Variants in NXPE2 observed in about 807,000 individuals in gnomAD.
NXPE2 encodes NXPE family member 2.
A neutral mutation model predicts 34.4 loss-of-function variants in NXPE2; 34 were observed. The observed-to-expected ratio is 0.99, with a 90% confidence interval of 0.75 to 1.31. The LOEUF (loss-of-function observed/expected upper bound fraction) is 1.31, where lower values mean the gene tolerates loss of function less well. NXPE2 is among the 40% of genes most tolerant of loss of function. NXPE2 has a pLI of 0.00. For synonymous variants in NXPE2, 235 were observed against 231.3 expected (o/e 1.02, Z -0.15); for missense variants, 649 against 672.5 (o/e 0.97, Z 0.39).
chr11:114,544,061 A>G, the NXPE2 span, among the ~76,000 whole-genome samples: 1 of 152,216 alleles, frequency 6.6e-6, no homozygotes, highest in Non-Finnish European at 1.5e-5. Flanking sequence ...AAGCTGTGAA[A>G]CATTAATGGA....
At chr11:114,516,277 T>A in the NXPE2 span, among the ~76,000 whole-genome samples, 1 of 152,094 alleles carries the variant, frequency 6.6e-6, no homozygotes, top group East Asian at 1.9e-4. Flanking sequence ...CTAGGTGTAG[T>A]AGGGACATTC....
At chr11:114,805,652 C>A in the NXPE2 span, among the ~76,000 whole-genome samples, 13 of 152,326 alleles carry the variant, frequency 8.5e-5, no homozygotes, top group South Asian at 2.7e-3. Flanking sequence ...GGGGCGCCTG[C>A]CATTGCCGAG....
At chr11:114,650,539 A>C in the NXPE2 span, among the ~76,000 whole-genome samples, 1 of 152,186 alleles carries the variant, frequency 6.6e-6, no homozygotes, top group East Asian at 1.9e-4. Context: ...CAATGGAGGA[A>C]GGGCAAGTAC....
the NXPE2 span, among the ~76,000 whole-genome samples, chr11:114,661,306 AAAG>A: frequency 6.6e-6 from 1 of 152,166 alleles, no homozygotes; most frequent in Non-Finnish European, 1.5e-5. Flanking sequence ...CGGTTTTGTA[AAAG>A]AAGAGCACTA....
At chr11:114,709,756 G>T (rs1257515933), downstream of NXPE2, among the ~76,000 whole-genome samples, 1 of 152,036 alleles carries the variant, frequency 6.6e-6, no homozygotes, top group African/African-American at 2.4e-5. Context: ...ATACAAAATA[G>T]CTGGGCATGG....
the NXPE2 span, among the ~76,000 whole-genome samples, chr11:114,490,764 G>T: frequency 6.6e-6 from 1 of 152,188 alleles, no homozygotes; most frequent in Non-Finnish European, 1.5e-5. Flanking sequence ...AGAAAACCTA[G>T]GCAGTACCAT....
chr11:114,515,789 ATAACAGGGTTCAAGGTGTGGCCCTC>A, the NXPE2 span, among the ~76,000 whole-genome samples: 1 of 98,642 alleles, frequency 1.0e-5, no homozygotes, highest in Admixed American at 1.0e-4. Flanking sequence ...AATTCAGGTG[ATAACAGGGTTCAAGGTGTGGCCCTC>A]AAAGTGGGTT....
At chr11:114,794,290 C>T in the NXPE2 span, among the ~76,000 whole-genome samples, 1 of 152,114 alleles carries the variant, frequency 6.6e-6, no homozygotes, top group African/African-American at 2.4e-5. Flanking sequence ...TCTTGGCTCT[C>T]ATTCTAGATG....
At chr11:114,583,127 T>C in the NXPE2 span, 1 of 1,238,538 alleles carries the variant, frequency 8.1e-7, no homozygotes, top group Non-Finnish European at 1.1e-6. Flanking sequence ...TCCTAGTCAT[T>C]TTTACTTATT....
At chr11:114,529,930 T>C in the NXPE2 span, 10 of 449,520 alleles carry the variant, frequency 2.2e-5, no homozygotes, top group Non-Finnish European at 3.5e-5. Context: ...AATCTTTTTT[T>C]CAGTGGAACA....
the NXPE2 span, among the ~76,000 whole-genome samples, chr11:114,794,732 T>C: frequency 6.6e-6 from 1 of 152,136 alleles, no homozygotes; most frequent in African/African-American, 2.4e-5. Flanking sequence ...AAATTCCCAC[T>C]CATGGGGAAT....
At chr11:114,554,134 C>A in the NXPE2 span, 1 of 985,426 alleles carries the variant, frequency 1.0e-6, no homozygotes. Flanking sequence ...TGGTCATCCT[C>A]AGACAGGATT....
chr11:114,627,318 C>T, the NXPE2 span, among the ~76,000 whole-genome samples: 2 of 152,228 alleles, frequency 1.3e-5, no homozygotes, highest in African/African-American at 4.8e-5. Flanking sequence ...AACAGCAGAT[C>T]TCTTGGCAGA....
At chr11:114,474,042 A>ACT in the NXPE2 span, among the ~76,000 whole-genome samples, 1 of 152,200 alleles carries the variant, frequency 6.6e-6, no homozygotes, top group African/African-American at 2.4e-5. Context: ...AAATTAAAGT[A>ACT]TCCTTTATGA....
chr11:114,535,907 G>A, the NXPE2 span, among the ~76,000 whole-genome samples: 1 of 152,252 alleles, frequency 6.6e-6, no homozygotes, highest in East Asian at 1.9e-4. Context: ...TACAGGAATT[G>A]AACTCAGCTC....
intron 3 of NXPE2, among the ~76,000 whole-genome samples, chr11:114,702,694 A>C (rs987931318): frequency 3.3e-5 from 5 of 152,188 alleles, no homozygotes; most frequent in Admixed American, 2.6e-4. Flanking sequence ...GTTGAATTGC[A>C]GAGTCAGAAC....
At chr11:114,806,882 G>A in the NXPE2 span, among the ~76,000 whole-genome samples, 73 of 152,122 alleles carry the variant, frequency 4.8e-4, no homozygotes, top group Middle Eastern at 3.4e-3. Context: ...TCCAAGACAC[G>A]TAATTGTCAG....
chr11:114,571,508 G>A, the NXPE2 span: 7 of 1,533,706 alleles, frequency 4.6e-6, no homozygotes, highest in South Asian at 6.3e-5. Flanking sequence ...AATAAAAGGA[G>A]GATATAGTTA....
At chr11:114,594,811 A>G in the NXPE2 span, 2 of 1,002,918 alleles carry the variant, frequency 2.0e-6, no homozygotes, top group East Asian at 2.5e-5. Flanking sequence ...AACATACAAC[A>G]AAACAGAAAA....
Sources: allele counts gnomAD v4.1 joint callset (sites outside exome capture counted in the v4.1 genomes callset), GRCh38; gene constraint gnomAD v4.1.1; transcripts MANE v1.5; gene names NCBI Gene and HGNC (gene_info 2026-07-23, HGNC 2026-07-21).